The following GCN1 variants were observed in gnomAD, a reference collection of about 807,000 sequenced individuals.
GCN1 encodes GCN1 activator of EIF2AK4.
Under a neutral mutation model 288.4 loss-of-function variants are expected in GCN1, and 90 were observed. The ratio of observed to expected loss-of-function variants is 0.31; its 90% CI spans 0.26 to 0.37. GCN1 has a LOEUF of 0.37. Among genes scored for constraint, GCN1 ranks in the 10% least tolerant of loss-of-function variants. The pLI, the probability that GCN1 is intolerant of heterozygous loss-of-function variation, is 1.00. For synonymous variants in GCN1, 1,386 were observed against 1,420.2 expected (o/e 0.98, Z 0.54); for missense variants, 2,586 against 3,419.9 (o/e 0.76, Z 6.08).
chr12:120,134,755 A>G lies in GCN1; in HGVS notation c.7009-29T>C. The G allele has an allele frequency of 1.9e-6, 3 of 1,601,258 alleles. No individual in the cohort carries two copies. Among genetic ancestry groups the G allele is most frequent in the Admixed American group, 3.3e-5 (2 of 59,950 alleles). ...TGGGAGGAACCCACATCCATGAAAG[A>G]CAGTTGTGGTAGACCCAAAGCCACA... On this transcript the variant is annotated intron_variant, in intron 51 of 57. Coordinates refer to ENST00000300648, the MANE Select transcript of GCN1 (RefSeq NM_006836.2). The surrounding 1 kb of genome is among the most constrained non-coding windows in gnomAD (Gnocchi z 5.0).
At chr12:120,152,676 A>G (rs376404823) in intron 33 of GCN1, among the ~76,000 whole-genome samples, 2 of 140,450 alleles carry the variant, frequency 1.4e-5, no homozygotes, top group East Asian at 2.0e-4. Context: ...ATATATATAA[A>G]TATATATATA....
chr12:120,139,177 G>A (rs2139088782), intron 45 of GCN1, among the ~76,000 whole-genome samples: 1 of 152,172 alleles, frequency 6.6e-6, no homozygotes, highest in Non-Finnish European at 1.5e-5. Flanking sequence ...GGGTGTGGTG[G>A]TGCACACCTG....
intron 9 of GCN1, among the ~76,000 whole-genome samples, chr12:120,177,084 G>A (rs1878502967): frequency 6.6e-6 from 1 of 151,860 alleles, no homozygotes; most frequent in Non-Finnish European, 1.5e-5. Context: ...TTTGAGATAG[G>A]GTCTCACTCT....
Position 120,136,718 on chromosome 12 carries a change from G to A in GCN1, c.6792C>T (p.Ile2264=). ...FCLPKKGVTS[I]LPVLREGVLT... ...GGACTCCTTCCCGCAACACTGGAAG[G>A]ATGGAGGTCACTCCCTGACAAGAGA... Residue 2264 remains isoleucine, a synonymous_variant, in exon 51 of 58, where the codon ATC becomes ATT. Coordinates refer to ENST00000300648, the MANE Select transcript of GCN1 (RefSeq NM_006836.2). 1 of 1,613,336 alleles carries A rather than the reference G, an allele frequency of 6.2e-7. No individual in the cohort carries two copies. The highest frequency in any genetic ancestry group is 8.5e-7 in the Non-Finnish European group (1 of 1,179,576).
chr12:120,142,421 T>C lies in GCN1; in HGVS notation c.5829+86A>G, dbSNP rs1877226657. 2.2e-6 allele frequency: 2 copies of C among 925,576 alleles called. No homozygotes were observed. Among genetic ancestry groups the C allele is most frequent in the Admixed American group, 3.5e-5 (2 of 56,440 alleles). 57.3% of individuals were successfully genotyped at this position (925,576 alleles called of 1,614,324 possible). ...TCTGTTAGGCAGGGTGGATGGGTAC[T>C]TTCCCAGGCTCTGCAGACCCAGCCT... On this transcript the variant is annotated intron_variant, in intron 44 of 57. Transcript: ENST00000300648. The surrounding 1 kb of genome is among the most constrained non-coding windows in gnomAD (Gnocchi z 4.9).
Position 120,153,456 on chromosome 12 carries a change from T to C in GCN1, c.3868-49A>G, listed in dbSNP as rs764646624. 33 of 1,518,944 alleles carry C rather than the reference T, an allele frequency of 2.2e-5. No homozygotes were observed. The highest frequency in any genetic ancestry group is 1.7e-4 in the Middle Eastern group (1 of 5,862). The allele number at this position is 1,518,944 out of a possible 1,614,324, so 94.1% of individuals were successfully genotyped here. A position where few individuals can be genotyped will look rare whatever the true frequency, so the allele number is the denominator to read the frequency against. On this transcript the variant is annotated intron_variant, in intron 32 of 57. Coordinates refer to ENST00000300648, the MANE Select transcript of GCN1 (RefSeq NM_006836.2). The surrounding 1 kb of genome is among the most constrained non-coding windows in gnomAD (Gnocchi z 4.4). ...CCTCAGGTCAACCCTACAGGCTGCA[T>C]CTGGGGACAACAGTCCCTGCCCTGA...
chr12:120,178,844 C>A lies in GCN1; in HGVS notation c.525+8G>T. 6.2e-7 allele frequency: 1 copy of A among 1,614,050 alleles called. No individual in the cohort carries two copies. The highest frequency in any genetic ancestry group is 1.1e-5 in the South Asian group (1 of 91,064). ...AGCAATGCCCACCAGCCCCTGCAGT[C>A]CTGTCACCTCTTTCCACAGCTTCGT... is the stretch of plus-strand genomic sequence containing the variant. On this transcript the variant is annotated splice_region_variant and intron_variant, in intron 6 of 57. Coordinates refer to ENST00000300648, the MANE Select transcript of GCN1 (RefSeq NM_006836.2).
At chr12:120,135,655 G>A (rs1484935457) in intron 51 of GCN1, among the ~76,000 whole-genome samples, 5 of 151,792 alleles carry the variant, frequency 3.3e-5, no homozygotes, top group South Asian at 2.1e-4. Context: ...GAGCCACCAC[G>A]CCCGGCTTAC....
At position 120,134,180 on chromosome 12, in the gene GCN1, C is replaced by T. The variant is rs1387810467; in HGVS notation, c.7317+111G>A. ...CAGGGTGATAGAAATGTCAGGAATG[C>T]TTATTACTACTGAGCTGTACTGGTT... On this transcript the variant is annotated intron_variant, in intron 53 of 57. Transcript: ENST00000300648. The surrounding 1 kb of genome is among the most constrained non-coding windows in gnomAD (Gnocchi z 5.0). 1 of 687,394 alleles carries T rather than the reference C, an allele frequency of 1.5e-6. No individual in the cohort carries two copies. The highest frequency in any genetic ancestry group is 2.6e-5 in the East Asian group (1 of 38,306). The allele number at this position is 687,394 out of a possible 1,614,324, so 42.6% of individuals were successfully genotyped here.
At position 120,153,914 on chromosome 12, in the gene GCN1, G is replaced by T; in HGVS notation, c.3702-5C>A. The T allele has an allele frequency of 6.2e-7, 1 of 1,612,902 alleles. No homozygotes were observed. The highest frequency in any genetic ancestry group is 8.5e-7 in the Non-Finnish European group (1 of 1,179,182). On this transcript the variant is annotated splice_polypyrimidine_tract_variant and splice_region_variant and intron_variant, in intron 31 of 57. Transcript: ENST00000300648. This position sits in a 1 kb window ranked among gnomAD's most constrained non-coding sequence, Gnocchi z 4.4. The stretch of plus-strand genomic sequence containing the variant: ...AGGGCCAACGCCAAGCCACACCTGG[G>T]AAAGAAGTGGGAGCACATCAGGAGG...
In GCN1 at chr12:120,160,238, TTTC is replaced by T; in HGVS notation, c.2451_2453del (p.Lys818del). The stretch of plus-strand genomic sequence containing the variant: ...TCAGCTGCACCTCCTCTTTGATGCC[TTTC>T]TTCTTCTTTATCTCCTAAAGAGGAT... On this transcript the variant is annotated inframe_deletion, in exon 23 of 58. Transcript: ENST00000300648. The T allele has an allele frequency of 3.1e-6, 5 of 1,611,400 alleles. No homozygotes were observed. Among genetic ancestry groups the T allele is most frequent in the East Asian group, 2.2e-5 (1 of 44,872 alleles).
intron 56 of GCN1, 56 bp from the exon 57 acceptor site, chr12:120,129,550 G>A (rs2139077799): frequency 7.5e-7 from 1 of 1,326,804 alleles, no homozygotes. Flanking sequence ...ATTCCTTGAA[G>A]CAGCCCAAAT....
At chr12:120,177,919 T>C (rs1027264018) in intron 7 of GCN1, 167 bp from the exon 8 acceptor site, 24 of 624,206 alleles carry the variant, frequency 3.8e-5, no homozygotes, top group African/African-American at 3.7e-4. Flanking sequence ...TTAAAACCCT[T>C]CCACAGCTTT....
chr12:120,190,285 G>T lies in GCN1; in HGVS notation c.121+13C>A. On this transcript the variant is annotated intron_variant, in intron 2 of 57. Coordinates refer to ENST00000300648, the MANE Select transcript of GCN1 (RefSeq NM_006836.2). ...TGAATATTGTCCAGGGTATGTGGAT[G>T]AAAAATAAATACCTTTTCCAGCAAC... 4.1e-5 allele frequency: 50 copies of T among 1,222,990 alleles called. No individual in the cohort carries two copies. The highest frequency in any genetic ancestry group is 5.8e-5 in the Non-Finnish European group (48 of 823,926). 75.8% of individuals were successfully genotyped at this position (1,222,990 alleles called of 1,614,324 possible). A position where few individuals can be genotyped will look rare whatever the true frequency, so the allele number is the denominator to read the frequency against.
intron 2 of GCN1, among the ~76,000 whole-genome samples, chr12:120,188,460 C>CAAAA (rs1566322047): frequency 7.1e-6 from 1 of 140,190 alleles, no homozygotes; most frequent in Non-Finnish European, 1.5e-5. Context: ...AAAAAAAAAC[C>CAAAA]TCTCCCAACT....
rs537697325 is a variant in GCN1, at chr12:120,151,065, C to T, written c.4309+80G>A. ...CACAAGCAACGGCCTCCACCTGGGG[C>T]GCCACGGTCAGATTCCTTCCTCTGG... On this transcript the variant is annotated intron_variant, in intron 34 of 57. Coordinates refer to ENST00000300648, the MANE Select transcript of GCN1 (RefSeq NM_006836.2). 3.8e-5 allele frequency: 57 copies of T among 1,494,348 alleles called. No individual in the cohort carries two copies. The Admixed American group carries it at 6.1e-4, about 16-fold the overall frequency. 92.6% of individuals were successfully genotyped at this position (1,494,348 alleles called of 1,614,324 possible).
chr12:120,149,141 A>G (rs1168638741), intron 36 of GCN1, among the ~76,000 whole-genome samples: 2 of 152,156 alleles, frequency 1.3e-5, no homozygotes, highest in African/African-American at 4.8e-5. Context: ...TTAGAGCTTT[A>G]GGATATCCTG....
intron 20 of GCN1, among the ~76,000 whole-genome samples, chr12:120,162,595 C>T (rs974216617): frequency 6.6e-6 from 1 of 152,208 alleles, no homozygotes; most frequent in Non-Finnish European, 1.5e-5. Flanking sequence ...GTAAGAGAGA[C>T]ATCACCTACA....
intron 38 of GCN1, among the ~76,000 whole-genome samples, chr12:120,146,769 G>T (rs1028699846): frequency 1.3e-5 from 2 of 152,144 alleles, no homozygotes; most frequent in Non-Finnish European, 2.9e-5. Context: ...TTCTTGTCAA[G>T]AGCAAGTAGT....
Sources: gnomAD v4.1 joint callset for allele counts (sites outside exome capture counted in the v4.1 genomes callset) on GRCh38, gnomAD v4.1.1 for gene constraint, Gnocchi (gnomAD v3.1) non-coding constraint, MANE v1.5 for transcripts, NCBI Gene and HGNC (gene_info 2026-07-23, HGNC 2026-07-21) for gene names.